BCR: variants seen among roughly 807,000 people sequenced by gnomAD.
BCR encodes BCR activator of RhoGEF and GTPase.
BCR carries 58 observed loss-of-function variants against 138.6 expected under a neutral mutation model. That is an observed-to-expected ratio of 0.42 (90% CI 0.34 to 0.52). The LOEUF is 0.52. Ranked by LOEUF, BCR falls within the 20% of genes least tolerant of loss-of-function variation. The probability of loss-of-function intolerance (pLI) is 0.06; values close to 1 mark genes in which losing one functional copy is unlikely to be tolerated. For missense variants in BCR, 1,599 were observed against 1,727.2 expected, an observed-to-expected ratio of 0.93 and a Z score of 1.32; for synonymous variants, 786 against 730.1, an observed-to-expected ratio of 1.08 and a Z score of -1.23.
At chr22:23,284,303 T>C (rs2073684453) in intron 9 of BCR, among the ~76,000 whole-genome samples, 1 of 152,026 alleles carries the variant, frequency 6.6e-6, no homozygotes, top group African/African-American at 2.4e-5. Context: ...CTTTGACTCC[T>C]GTAGTGAGGG....
intron 5 of BCR, among the ~76,000 whole-genome samples, chr22:23,269,804 G>A (rs1209935569): frequency 6.6e-6 from 1 of 152,188 alleles, no homozygotes; most frequent in East Asian, 1.9e-4. Flanking sequence ...ACAAATCAGG[G>A]ACCTGATCTT....
intron 1 of BCR, among the ~76,000 whole-genome samples, chr22:23,240,600 G>A (rs1317497193): frequency 1.3e-5 from 2 of 151,820 alleles, no homozygotes; most frequent in Non-Finnish European, 2.9e-5. Flanking sequence ...GCAGTGAGCC[G>A]AGATAGTGCC....
At chr22:23,269,325 C>T (rs750409360) in intron 5 of BCR, among the ~76,000 whole-genome samples, 44 of 152,374 alleles carry the variant, frequency 2.9e-4, no homozygotes, top group Non-Finnish European at 5.6e-4. Flanking sequence ...ATGAGCCCCC[C>T]ATCTCGCTGT....
intron 1 of BCR, among the ~76,000 whole-genome samples, chr22:23,236,312 G>A (rs1185834465): frequency 6.6e-6 from 1 of 152,176 alleles, no homozygotes; most frequent in Non-Finnish European, 1.5e-5. Context: ...CCACCCTGCC[G>A]CACTCTATGA....
At chr22:23,256,164 A>G (rs142337534) in intron 2 of BCR, among the ~76,000 whole-genome samples, 1 of 152,194 alleles carries the variant, frequency 6.6e-6, no homozygotes, top group Non-Finnish European at 1.5e-5. Context: ...CCCAGGGAGC[A>G]TGGTGATCTT....
chr22:23,181,137 G>A lies in BCR; in HGVS notation c.177G>A (p.Leu59=), dbSNP rs2072247340. The part of the protein sequence containing the change: ...VNQERFRMIY[L]QTLLAKEKKS... ...AGGAGCGCTTCCGCATGATCTACCT[G>A]CAGACGTTGCTGGCCAAGGAAAAGA... The change falls in exon 1 of 23, where the codon CTG becomes CTA. Residue 59 remains leucine, a synonymous_variant. Coordinates refer to ENST00000305877, the MANE Select transcript of BCR (RefSeq NM_004327.4). 8.1e-6 allele frequency: 12 copies of A among 1,478,438 alleles called. No individual in the cohort carries two copies. The highest frequency in any genetic ancestry group is 1.4e-5 in the African/African-American group (1 of 69,544). The allele number at this position is 1,478,438 out of a possible 1,614,324, so 91.6% of individuals were successfully genotyped here.
At chr22:23,269,879 G>A (rs941240413) in intron 5 of BCR, among the ~76,000 whole-genome samples, 2 of 152,146 alleles carry the variant, frequency 1.3e-5, no homozygotes, top group African/African-American at 2.4e-5. Context: ...TGCAGAGGAG[G>A]GAGGAAACAC....
chr22:23,180,591 C>CGGCGGCG lies in BCR; in HGVS notation c.-370_-369insGGCGGCG, dbSNP rs1555958114. ...GAGGAGGCGGCGGCGGCGGCGGCGGCACGGCGGCGGCGGGGCTGTGGGGCG... is the reference window on the plus strand; with the variant it reads ...GAGGAGGCGGCGGCGGCGGCGGCGGCGGCGGCGACGGCGGCGGCGGGGCTGTGGGGCG... On this transcript the variant is annotated 5_prime_UTR_variant, in exon 1 of 23. Coordinates refer to ENST00000305877, the MANE Select transcript of BCR (RefSeq NM_004327.4). The CGGCGGCG allele has an allele frequency of 6.2e-4, 17 of 27,628 alleles. No individual in the cohort carries two copies. Among genetic ancestry groups the CGGCGGCG allele is most frequent in the African/African-American group, 3.3e-3 (2 of 610 alleles). 1.7% of individuals were successfully genotyped at this position (27,628 alleles called of 1,614,324 possible).
At chr22:23,293,574 CAG>C (rs1176072329) in intron 15 of BCR, among the ~76,000 whole-genome samples, 2 of 152,148 alleles carry the variant, frequency 1.3e-5, no homozygotes, top group Non-Finnish European at 2.9e-5. Context: ...ATAAGAGCCA[CAG>C]GGGATCCATC....
chr22:23,188,445 G>A (rs938165947), intron 1 of BCR, among the ~76,000 whole-genome samples: 1 of 152,178 alleles, frequency 6.6e-6, no homozygotes, highest in African/African-American at 2.4e-5. Flanking sequence ...GTGGCTGGGA[G>A]GGCTTGTGTT....
intron 16 of BCR, among the ~76,000 whole-genome samples, chr22:23,308,660 A>G (rs5751628): frequency 0.027 from 4,048 of 152,264 alleles, 116 homozygotes; most frequent in East Asian, 0.15. Context: ...CCAGCCAGTG[A>G]TCTTGGCATA....
intron 4 of BCR, chr22:23,262,899 G>A (rs2073383543): frequency 9.2e-7 from 1 of 1,081,488 alleles, no homozygotes; most frequent in African/African-American, 1.7e-5. Flanking sequence ...GGCTGAGGCG[G>A]GAGCGAGGAC....
At position 23,181,656 on chromosome 22, in the gene BCR, G is replaced by A; in HGVS notation, c.696G>A (p.Arg232=). 1.2e-6 allele frequency: 2 copies of A among 1,608,596 alleles called. No individual in the cohort carries two copies. The highest frequency in any genetic ancestry group is 1.7e-6 in the Non-Finnish European group (2 of 1,179,842). The part of the protein sequence containing the change: ...SVGDASRPPY[R]GRSSESSCGV... ...GGGATGCATCCAGGCCCCCTTACCG[G>A]GGACGCTCCTCGGAGAGCAGCTGCG... Residue 232 remains arginine, a synonymous_variant, in exon 1 of 23, where the codon CGG becomes CGA. Coordinates refer to ENST00000305877, the MANE Select transcript of BCR (RefSeq NM_004327.4).
At chr22:23,208,046 CT>C (rs1454817891) in intron 1 of BCR, among the ~76,000 whole-genome samples, 1 of 152,226 alleles carries the variant, frequency 6.6e-6, no homozygotes, top group African/African-American at 2.4e-5. Flanking sequence ...TCCTGGTCTC[CT>C]GTTGCCGAGC....
chr22:23,210,359 G>A (rs897522117), intron 1 of BCR, among the ~76,000 whole-genome samples: 11 of 151,886 alleles, frequency 7.2e-5, no homozygotes, highest in African/African-American at 2.7e-4. Flanking sequence ...CGAGGTTGCG[G>A]TGAGCCACAA....
chr22:23,250,474 T>C (rs2073211939), intron 1 of BCR, among the ~76,000 whole-genome samples: 1 of 152,210 alleles, frequency 6.6e-6, no homozygotes, highest in Non-Finnish European at 1.5e-5. Context: ...AGGAAGGGGC[T>C]TTGCTGGCCC....
intron 1 of BCR, among the ~76,000 whole-genome samples, chr22:23,234,670 G>GTCAGATTTTTTC (rs369752079): frequency 2.7e-5 from 4 of 146,220 alleles, no homozygotes; most frequent in Admixed American, 6.8e-5. Context: ...TCTGGATGGG[G>GTCAGATTTTTTC]AAGGTGTGAG....
chr22:23,187,541 C>G (rs1006308954), intron 1 of BCR, among the ~76,000 whole-genome samples: 17 of 150,872 alleles, frequency 1.1e-4, no homozygotes, highest in Non-Finnish European at 2.1e-4. Context: ...CCTATGTTGC[C>G]CAGGCTGGCC....
intron 1 of BCR, among the ~76,000 whole-genome samples, chr22:23,244,763 A>G (rs2073137028): frequency 6.6e-6 from 1 of 152,158 alleles, no homozygotes; most frequent in African/African-American, 2.4e-5. Flanking sequence ...GAGTCCTAAA[A>G]AGCCCAGGTG....
Sources: gnomAD v4.1 joint callset for allele counts (sites outside exome capture counted in the v4.1 genomes callset) on GRCh38, gnomAD v4.1.1 for gene constraint, MANE v1.5 for transcripts, NCBI Gene and HGNC (gene_info 2026-07-23, HGNC 2026-07-21) for gene names.